The following CELF2 variants were observed in gnomAD, a reference collection of about 807,000 sequenced individuals.
CELF2 encodes the protein CUGBP Elav-like family member 2.
A neutral mutation model predicts 62.6 loss-of-function variants in CELF2; 8 were observed. That is an observed-to-expected ratio of 0.13 (90% CI 0.07 to 0.23). The LOEUF (loss-of-function observed/expected upper bound fraction) is 0.23. Among genes scored for constraint, CELF2 ranks in the 10% least tolerant of loss-of-function variants. CELF2 has a pLI of 1.00. For missense variants in CELF2, 333 were observed against 671.0 expected, an observed-to-expected ratio of 0.50 and a Z score of 5.56; for synonymous variants, 258 against 250.0, an observed-to-expected ratio of 1.03 and a Z score of -0.30.
At chr10:10,637,394 GCA>G in the CELF2 span, among the ~76,000 whole-genome samples, 1 of 152,104 alleles carries the variant, frequency 6.6e-6, no homozygotes, top group African/African-American at 2.4e-5. Context: ...AATTTGCTCT[GCA>G]CTATACTGTC....
intron 2 of CELF2, among the ~76,000 whole-genome samples, chr10:11,216,294 G>T (rs1389576418): frequency 6.6e-6 from 1 of 152,188 alleles, no homozygotes; most frequent in East Asian, 1.9e-4. Context: ...TTGTATGAAT[G>T]AGATTATACT....
intron 2 of CELF2, among the ~76,000 whole-genome samples, chr10:10,985,902 A>G (rs1662649727): frequency 6.6e-6 from 1 of 152,182 alleles, no homozygotes; most frequent in South Asian, 2.1e-4. Context: ...CCAACCATAG[A>G]ATAGGCATGT....
the CELF2 span, among the ~76,000 whole-genome samples, chr10:10,623,258 C>T: frequency 6.6e-6 from 1 of 152,046 alleles, no homozygotes; most frequent in African/African-American, 2.4e-5. Flanking sequence ...TCTTCTTATT[C>T]CTCAGAGAGC....
At chr10:10,528,209 G>C in the CELF2 span, among the ~76,000 whole-genome samples, 2 of 152,136 alleles carry the variant, frequency 1.3e-5, no homozygotes, top group African/African-American at 4.8e-5. Flanking sequence ...ACAGCAGAAA[G>C]GAATAAGTAA....
chr10:10,579,381 G>T, the CELF2 span, among the ~76,000 whole-genome samples: 1 of 152,288 alleles, frequency 6.6e-6, no homozygotes, highest in African/African-American at 2.4e-5. Flanking sequence ...GGGGATGGAG[G>T]CTCTGTGATA....
At chr10:10,905,280 G>A (rs2063241833) in intron 1 of CELF2, among the ~76,000 whole-genome samples, 1 of 152,178 alleles carries the variant, frequency 6.6e-6, no homozygotes, top group Non-Finnish European at 1.5e-5. Context: ...AATATTGAGA[G>A]TATTTTTAGT....
chr10:10,848,443 A>G (rs2059152185), intron 1 of CELF2, among the ~76,000 whole-genome samples: 1 of 152,226 alleles, frequency 6.6e-6, no homozygotes, highest in Non-Finnish European at 1.5e-5. Flanking sequence ...TCTAAAGCTT[A>G]GGAGCGTTGC....
intron 1 of CELF2, among the ~76,000 whole-genome samples, chr10:11,140,547 T>C (rs919454997): frequency 6.6e-6 from 1 of 152,190 alleles, no homozygotes; most frequent in African/African-American, 2.4e-5. Flanking sequence ...AGACAAGACT[T>C]ACTGTATTTT....
the CELF2 span, among the ~76,000 whole-genome samples, chr10:10,712,384 A>G: frequency 1.3e-5 from 2 of 152,028 alleles, no homozygotes; most frequent in African/African-American, 4.8e-5. Context: ...TATTCTGTTG[A>G]CTTCCATGAT....
intron 2 of CELF2, among the ~76,000 whole-genome samples, chr10:10,996,562 T>C (rs2053973007): frequency 6.6e-6 from 1 of 152,220 alleles, no homozygotes; most frequent in African/African-American, 2.4e-5. Flanking sequence ...TGCCTTGTTT[T>C]TTCATTCAGC....
the CELF2 span, among the ~76,000 whole-genome samples, chr10:10,639,601 A>G: frequency 2.0e-5 from 3 of 152,182 alleles, no homozygotes; most frequent in African/African-American, 7.2e-5. Flanking sequence ...GCCCTGATAT[A>G]TATCTTTAAA....
intron 1 of CELF2, among the ~76,000 whole-genome samples, chr10:11,045,505 G>C (rs2062654987): frequency 6.6e-6 from 1 of 152,174 alleles, no homozygotes; most frequent in Non-Finnish European, 1.5e-5. Context: ...CTCTAAGTTT[G>C]TGTGAGAATT....
In CELF2 at chr10:11,324,499, C is replaced by G. The variant is rs1482498161; in HGVS notation, c.1295-1337C>G. ...GTGTCCCTTTAAAATAGACTCCTTCCCATGCCCTAGAATACGGATATATCC... is the reference window on the plus strand; with the variant it reads ...GTGTCCCTTTAAAATAGACTCCTTCGCATGCCCTAGAATACGGATATATCC... On this transcript the variant is annotated intron_variant, in intron 11 of 12. Transcript: ENST00000633077. The surrounding 1 kb of genome is among the most constrained non-coding windows in gnomAD (Gnocchi z 4.7). Among the ~76,000 whole-genome samples the G allele has an allele frequency of 6.6e-6, 1 of 152,198 alleles. No homozygotes were observed. The highest frequency in any genetic ancestry group is 1.5e-5 in the Non-Finnish European group (1 of 68,040).
At chr10:11,082,299 C>A (rs562489096) in intron 1 of CELF2, among the ~76,000 whole-genome samples, 35 of 152,340 alleles carry the variant, frequency 2.3e-4, no homozygotes, top group Admixed American at 9.1e-4. Flanking sequence ...TTGCAGCCAA[C>A]GGTTGAACTT....
At chr10:10,706,977 A>G in the CELF2 span, among the ~76,000 whole-genome samples, 6 of 152,322 alleles carry the variant, frequency 3.9e-5, no homozygotes, top group Middle Eastern at 6.8e-3. Flanking sequence ...GCATGAACAT[A>G]ACTATTCCAA....
chr10:10,726,853 T>C, the CELF2 span, among the ~76,000 whole-genome samples: 1 of 152,216 alleles, frequency 6.6e-6, no homozygotes, highest in Non-Finnish European at 1.5e-5. Flanking sequence ...GGTTCATTTA[T>C]AGAGAAAAGA....
At chr10:10,846,092 G>A (rs570859968) in intron 1 of CELF2, 24 of 985,028 alleles carry the variant, frequency 2.4e-5, no homozygotes, top group East Asian at 2.3e-4. Flanking sequence ...ATCCTTCTGC[G>A]CTCCCAGAGT....
At chr10:11,210,840 C>T (rs1193518231) in intron 2 of CELF2, among the ~76,000 whole-genome samples, 2 of 152,228 alleles carry the variant, frequency 1.3e-5, no homozygotes, top group African/African-American at 4.8e-5. Flanking sequence ...ACTCACTGTC[C>T]TCCTGCCTTG....
intron 1 of CELF2, among the ~76,000 whole-genome samples, chr10:11,119,234 A>G (rs1035662434): frequency 6.6e-6 from 1 of 152,166 alleles, no homozygotes; most frequent in Non-Finnish European, 1.5e-5. Context: ...ACTTGAGCAT[A>G]TTTAAGAGAG....
Sources: allele counts gnomAD v4.1 joint callset (sites outside exome capture counted in the v4.1 genomes callset), GRCh38; gene constraint gnomAD v4.1.1; non-coding constraint Gnocchi (gnomAD v3.1); transcripts MANE v1.5; gene names NCBI Gene and HGNC (gene_info 2026-07-23, HGNC 2026-07-21).